Variants in GLIS3 observed in about 807,000 individuals in gnomAD.
GLIS3 encodes the protein zinc finger protein GLIS3.
A neutral mutation model predicts 78.6 loss-of-function variants in GLIS3; 53 were observed. The observed-to-expected ratio is 0.67, with a 90% CI of 0.54 to 0.85. The LOEUF is 0.85. Ranked by LOEUF, GLIS3 falls within the 40% of genes least tolerant of loss-of-function variation. The pLI, the probability that GLIS3 is intolerant of heterozygous loss-of-function variation, is 0.00. For synonymous variants in GLIS3, 684 were observed against 509.9 expected (o/e 1.34, Z -4.60); for missense variants, 1,703 against 1,231.1 (o/e 1.38, Z -5.74).
upstream of GLIS3, among the ~76,000 whole-genome samples, chr9:4,352,463 G>A (rs982961411): frequency 3.3e-5 from 5 of 152,294 alleles, no homozygotes; most frequent in Non-Finnish European, 7.3e-5. Context: ...AAGGCATGGT[G>A]GGGCATCTTT....
At chr9:4,167,830 TTCCGGGTCC>T (rs1816006847) in intron 2 of GLIS3, among the ~76,000 whole-genome samples, 1 of 152,226 alleles carries the variant, frequency 6.6e-6, no homozygotes, top group Non-Finnish European at 1.5e-5. Context: ...CACCTATGGC[TTCCGGGTCC>T]TCTTTGTGAG....
intron 4 of GLIS3, among the ~76,000 whole-genome samples, chr9:4,065,960 T>A (rs1196946337): frequency 6.6e-6 from 1 of 151,394 alleles, no homozygotes. Context: ...ATATGAGACT[T>A]CCTGGTGAAA....
At chr9:4,467,554 T>C in the GLIS3 span, among the ~76,000 whole-genome samples, 1 of 152,110 alleles carries the variant, frequency 6.6e-6, no homozygotes, top group Admixed American at 6.5e-5. Flanking sequence ...CTCCAAAGGA[T>C]CTGCAGCTGA....
chr9:3,986,257 C>G (rs1402895657), intron 4 of GLIS3, among the ~76,000 whole-genome samples: 1 of 152,136 alleles, frequency 6.6e-6, no homozygotes, highest in Non-Finnish European at 1.5e-5. Flanking sequence ...TGTGTTCACT[C>G]AGCAGTTTAG....
the GLIS3 span, among the ~76,000 whole-genome samples, chr9:4,404,787 C>T: frequency 5.3e-5 from 8 of 151,870 alleles, no homozygotes; most frequent in Non-Finnish European, 8.8e-5. Context: ...AATAAATAAG[C>T]TAATGATATA....
the GLIS3 span, among the ~76,000 whole-genome samples, chr9:4,358,073 G>A: frequency 6.6e-6 from 1 of 152,064 alleles, no homozygotes; most frequent in Non-Finnish European, 1.5e-5. Flanking sequence ...AAGGACAAGG[G>A]CAGAACAGTG....
chr9:4,125,174 T>A (rs548797652), intron 3 of GLIS3, among the ~76,000 whole-genome samples: 1 of 152,196 alleles, frequency 6.6e-6, no homozygotes, highest in Non-Finnish European at 1.5e-5. Flanking sequence ...TCCAGACACA[T>A]CATAAAGTCT....
intron 4 of GLIS3, among the ~76,000 whole-genome samples, chr9:3,968,214 G>C (rs561760751): frequency 6.6e-6 from 1 of 152,282 alleles, no homozygotes; most frequent in South Asian, 2.1e-4. Flanking sequence ...AGCAGGAGCA[G>C]AATGATCGTC....
intron 1 of GLIS3, among the ~76,000 whole-genome samples, chr9:4,289,283 T>TATCAAGAACACCCATTTGCTATA (rs1354684674): frequency 6.6e-6 from 1 of 152,160 alleles, no homozygotes; most frequent in Non-Finnish European, 1.5e-5. Context: ...AAAGAAAGAC[T>TATCAAGAACACCCATTTGCTATA]ATCAAGAACA....
chr9:4,414,733 C>G, the GLIS3 span, among the ~76,000 whole-genome samples: 2 of 152,116 alleles, frequency 1.3e-5, no homozygotes, highest in Non-Finnish European at 2.9e-5. Context: ...AAGAACCCTG[C>G]TAAATTGTTT....
chr9:4,069,901 G>A (rs769575549), intron 4 of GLIS3, among the ~76,000 whole-genome samples: 51 of 151,938 alleles, frequency 3.4e-4, no homozygotes, highest in Non-Finnish European at 4.3e-4. Flanking sequence ...ATCTGGAAGC[G>A]GAAGCCTGTG....
At chr9:4,185,896 C>G (rs1466924709) in intron 2 of GLIS3, among the ~76,000 whole-genome samples, 2 of 152,164 alleles carry the variant, frequency 1.3e-5, no homozygotes, top group Non-Finnish European at 2.9e-5. Context: ...ACAAACCAGC[C>G]TTTCAGGGAA....
At chr9:3,917,430 C>T (rs1277918355) in intron 6 of GLIS3, among the ~76,000 whole-genome samples, 1 of 152,204 alleles carries the variant, frequency 6.6e-6, no homozygotes, top group Non-Finnish European at 1.5e-5. Context: ...AAAAACCCTC[C>T]ATTGAAATTC....
intron 2 of GLIS3, among the ~76,000 whole-genome samples, chr9:4,148,842 A>G (rs981540257): frequency 3.9e-5 from 6 of 152,276 alleles, no homozygotes; most frequent in African/African-American, 1.2e-4. Context: ...ACGTGGCCAG[A>G]GCTGCCACTT....
At position 4,336,227 on chromosome 9, in the gene GLIS3, A is replaced by G. The variant is rs574482105; in HGVS notation, n.264+10854T>C. ...CCAAAAAGCATCTCATGTGGATTCA[A>G]AATCAGTCCTCTCCATGGCCACATG... On this transcript the variant is annotated intron_variant and non_coding_transcript_variant, in intron 2 of 4. Coordinates refer to the GLIS3 transcript ENST00000471664. Among the ~76,000 whole-genome samples the G allele has an allele frequency of 2.0e-5, 3 of 152,348 alleles. 1 individual carries two copies. The Middle Eastern group carries it at 0.01, about 518-fold the overall frequency.
the GLIS3 span, among the ~76,000 whole-genome samples, chr9:4,396,281 T>A: frequency 1.3e-5 from 2 of 151,950 alleles, no homozygotes; most frequent in African/African-American, 4.8e-5. Flanking sequence ...CCTAGCTAAG[T>A]TTTCGTTTTT....
At chr9:4,358,580 A>G in the GLIS3 span, among the ~76,000 whole-genome samples, 1 of 151,698 alleles carries the variant, frequency 6.6e-6, no homozygotes, top group Non-Finnish European at 1.5e-5. Context: ...AGAAGAGAAA[A>G]TATTGGCCTT....
intron 4 of GLIS3, among the ~76,000 whole-genome samples, chr9:3,950,777 G>T (rs1258362756): frequency 6.6e-6 from 1 of 152,222 alleles, no homozygotes; most frequent in South Asian, 2.1e-4. Context: ...AGCACCCAAT[G>T]CAGATGTGTT....
chr9:3,983,141 T>C (rs1819440334), intron 4 of GLIS3, among the ~76,000 whole-genome samples: 1 of 152,070 alleles, frequency 6.6e-6, no homozygotes, highest in African/African-American at 2.4e-5. Context: ...ATGGGGTGGG[T>C]CTTTCCTGTG....
Sources: gnomAD v4.1 joint callset for allele counts (sites outside exome capture counted in the v4.1 genomes callset) on GRCh38, gnomAD v4.1.1 for gene constraint, MANE v1.5 for transcripts, NCBI Gene and HGNC (gene_info 2026-07-23, HGNC 2026-07-21) for gene names.